The following EPHB4 variants were observed in gnomAD, a reference collection of about 807,000 sequenced individuals.
EPHB4 encodes the protein EPH receptor B4.
Under a neutral mutation model 110.6 loss-of-function variants are expected in EPHB4, and 50 were observed. The observed-to-expected ratio is 0.45, with a 90% CI of 0.36 to 0.57. The LOEUF (loss-of-function observed/expected upper bound fraction) is 0.57. Ranked by LOEUF, EPHB4 falls within the 20% of genes least tolerant of loss-of-function variation. The pLI is 0.00. For missense variants in EPHB4, 1,128 were observed against 1,382.1 expected (o/e 0.82, Z 2.91); for synonymous variants, 592 against 578.4 (o/e 1.02, Z -0.34).
Position 100,820,235 on chromosome 7 carries a change from G to A in EPHB4, c.870C>T (p.Ala290=). 2 of 1,614,104 alleles carry A rather than the reference G, an allele frequency of 1.2e-6. No individual in the cohort carries two copies. The highest frequency in any genetic ancestry group is 2.2e-5 in the East Asian group (1 of 44,870). Residue 290 remains alanine (A), a synonymous_variant, in exon 5 of 17, where the codon GCC becomes GCT. Coordinates refer to ENST00000358173, the MANE Select transcript of EPHB4 (RefSeq NM_004444.5). ...SGEGSCQPCP[A]NSHSNTIGSA... ...ATCCAATGGTGTTAGAGTGGCTATT[G>A]GCTGGGCATGGCTGGCAGGACCCTT...
chr7:100,809,546 T>C (rs192794016), intron 12 of EPHB4, among the ~76,000 whole-genome samples: 2 of 151,972 alleles, frequency 1.3e-5, no homozygotes, highest in Non-Finnish European at 2.9e-5. Flanking sequence ...TTTTAAGAGA[T>C]GGGATCGCCC....
chr7:100,806,641 C>G (rs988578770), intron 13 of EPHB4, 72 bp from the exon 14 acceptor site: 12 of 1,517,924 alleles, frequency 7.9e-6, no homozygotes, highest in African/African-American at 2.8e-5. Flanking sequence ...CACTGCCCCC[C>G]AGTCCCCCAC....
rs1266541489 is a variant in EPHB4, at chr7:100,805,503, G to A, written c.2676C>T (p.Gly892=). The change falls in exon 15 of 17, where the codon GGC becomes GGT. Residue 892 remains glycine, a splice_region_variant and synonymous_variant. Transcript: ENST00000358173. ...GGCCCATTCTCTGCAGTCCTCACCC[G>A]CCATTCTCCCGGGCCACGATTTTGA... is the stretch of plus-strand genomic sequence containing the variant. The part of the protein sequence containing the change: ...ASLKIVAREN[G]GASHPLLDQR... The A allele has an allele frequency of 1.3e-6, 2 of 1,522,016 alleles. No individual in the cohort carries two copies. Among genetic ancestry groups the A allele is most frequent in the Non-Finnish European group, 8.8e-7 (1 of 1,134,432 alleles). 94.3% of individuals were successfully genotyped at this position (1,522,016 alleles called of 1,614,324 possible).
rs61651680 is a variant in EPHB4 at position 100,813,034 on chromosome 7, C to T, written c.1871-40G>A. 1.9e-3 allele frequency: 3,074 copies of T among 1,612,294 alleles called. 49 individuals carry two copies. In the African/African-American group the frequency reaches 0.035, roughly 18 times the overall value. On this transcript the variant is annotated intron_variant, in intron 11 of 16. Transcript: ENST00000358173. The stretch of plus-strand genomic sequence containing the variant: ...GCAGAGGTCATCAGCTCTCCCGCTC[C>T]AGTGTGGCCCTGCCCACCCCCGCTT...
At chr7:100,825,352 G>T (rs979407043) in intron 1 of EPHB4, 1 of 152,246 alleles carries the variant, frequency 6.6e-6, no homozygotes, top group African/African-American at 2.4e-5. Flanking sequence ...TTCTGGGAAG[G>T]GGGTGGATAG....
rs755423722 is a variant in EPHB4 at position 100,822,678 on chromosome 7, G to T, written c.412-11C>A. On this transcript the variant is annotated splice_polypyrimidine_tract_variant and intron_variant, in intron 3 of 16. Coordinates refer to ENST00000358173, the MANE Select transcript of EPHB4 (RefSeq NM_004444.5). This position sits in a 1 kb window ranked among gnomAD's most constrained non-coding sequence, Gnocchi z 4.7. ...GGCCACCGTGTCCACCTGCCGGCGGGGGGGAGGCACACCGCTGCTGTCCCC... is the reference window on the plus strand; with the variant it reads ...GGCCACCGTGTCCACCTGCCGGCGGTGGGGAGGCACACCGCTGCTGTCCCC... 2.5e-5 allele frequency: 39 copies of T among 1,541,304 alleles called. No homozygotes were observed. The highest frequency in any genetic ancestry group is 1.7e-4 in the Middle Eastern group (1 of 5,732).
intron 2 of EPHB4, 92 bp downstream of exon 2, chr7:100,824,111 G>A (rs1813313159): frequency 1.3e-6 from 2 of 1,574,612 alleles, no homozygotes; most frequent in East Asian, 2.2e-5. Context: ...GGGGACAGGG[G>A]AGAGGAGTGG....
chr7:100,813,592 A>G (rs1325656094), intron 10 of EPHB4, 60 bp downstream of exon 10: 11 of 1,586,662 alleles, frequency 6.9e-6, no homozygotes, highest in Non-Finnish European at 9.5e-6. Flanking sequence ...CTGGGATTAT[A>G]GATAGGAGCC....
At chr7:100,804,462 G>C (rs1218643505) in intron 16 of EPHB4, among the ~76,000 whole-genome samples, 1 of 151,590 alleles carries the variant, frequency 6.6e-6, no homozygotes, top group Non-Finnish European at 1.5e-5. Context: ...TTACAGGCAC[G>C]CACCACCATG....
chr7:100,824,580 T>G, intron 1 of EPHB4: 1 of 362,872 alleles, frequency 2.8e-6, no homozygotes, highest in South Asian at 3.3e-5. Flanking sequence ...CAGAAAGGGT[T>G]AAAATGAGAG....
chr7:100,817,149 G>A, intron 8 of EPHB4, 43 bp downstream of exon 8: 1 of 1,459,840 alleles, frequency 6.9e-7, no homozygotes. Flanking sequence ...GGAACTTTGG[G>A]GGTCTTTCCA....
chr7:100,821,354 G>C (rs1201686986), intron 4 of EPHB4: 3 of 151,722 alleles, frequency 2.0e-5, no homozygotes, highest in African/African-American at 7.2e-5. Context: ...TGTAATCCGG[G>C]TGTGGTGGCT....
chr7:100,823,494 C>G, intron 3 of EPHB4, 150 bp downstream of exon 3: 7 of 1,076,930 alleles, frequency 6.5e-6, no homozygotes, highest in Non-Finnish European at 9.1e-6. Flanking sequence ...GAAGATCACC[C>G]CCTTCCCTCC....
At chr7:100,809,143 A>G (rs545413616) in intron 12 of EPHB4, among the ~76,000 whole-genome samples, 5 of 152,144 alleles carry the variant, frequency 3.3e-5, no homozygotes, top group South Asian at 2.1e-4. Context: ...GTCTCGCTCT[A>G]CTGCCCAGGC....
intron 12 of EPHB4, among the ~76,000 whole-genome samples, chr7:100,809,759 C>A (rs2116424127): frequency 6.6e-6 from 1 of 152,312 alleles, no homozygotes; most frequent in East Asian, 1.9e-4. Flanking sequence ...AGTGATCCAC[C>A]AGCCTCAGCT....
chr7:100,826,931 GA>G, intron 1 of EPHB4, 47 bp downstream of exon 1: 2 of 1,535,212 alleles, frequency 1.3e-6, no homozygotes, highest in South Asian at 2.4e-5. Context: ...TGTTGGGGGG[GA>G]GGTCCCAGGA....
intron 14 of EPHB4, 134 bp from the exon 15 acceptor site, chr7:100,805,828 C>T (rs1485194806): frequency 5.7e-6 from 5 of 878,922 alleles, no homozygotes; most frequent in Non-Finnish European, 7.8e-6. Flanking sequence ...ATCCAGGAAT[C>T]CTCCTAGCCG....
At chr7:100,804,354 A>G (rs1388170311) in intron 16 of EPHB4, among the ~76,000 whole-genome samples, 1 of 116,366 alleles carries the variant, frequency 8.6e-6, no homozygotes, top group Non-Finnish European at 1.6e-5. Context: ...TCACTCTGTC[A>G]TCCAGGCTGG....
intron 4 of EPHB4, chr7:100,821,139 C>T (rs118083654): frequency 0.065 from 9,763 of 151,330 alleles, 413 homozygotes; most frequent in Middle Eastern, 0.17. Flanking sequence ...TTGGAGTGCA[C>T]TCCCAGACCG....
Sources: gnomAD v4.1 joint callset for allele counts (sites outside exome capture counted in the v4.1 genomes callset) on GRCh38, gnomAD v4.1.1 for gene constraint, Gnocchi (gnomAD v3.1) non-coding constraint, MANE v1.5 for transcripts, NCBI Gene and HGNC (gene_info 2026-07-23, HGNC 2026-07-21) for gene names.